GABRG3: variants seen among roughly 807,000 people sequenced by gnomAD.
GABRG3 encodes the protein gamma-aminobutyric acid receptor subunit gamma-3.
Under a neutral mutation model 48.8 loss-of-function variants are expected in GABRG3, and 25 were observed. The observed-to-expected ratio is 0.51, with a 90% CI of 0.37 to 0.72. The LOEUF (loss-of-function observed/expected upper bound fraction) is 0.72. GABRG3 is among the 30% of genes least tolerant of loss of function. GABRG3 has a pLI of 0.00. For synonymous variants in GABRG3, 227 were observed against 217.6 expected, an observed-to-expected ratio of 1.04 and a Z score of -0.38; for missense variants, 394 against 577.9, an observed-to-expected ratio of 0.68 and a Z score of 3.26.
At chr15:27,410,394 A>G (rs1252236912) in intron 5 of GABRG3, among the ~76,000 whole-genome samples, 1 of 152,098 alleles carries the variant, frequency 6.6e-6, no homozygotes, top group Admixed American at 6.5e-5. Context: ...GGTGATATTG[A>G]CCTTATAAAA....
At chr15:27,042,536 G>A (rs1490139953) in intron 3 of GABRG3, among the ~76,000 whole-genome samples, 1 of 152,086 alleles carries the variant, frequency 6.6e-6, no homozygotes, top group East Asian at 1.9e-4. Context: ...GTTGCAGCTG[G>A]CTCACCCTCC....
At chr15:27,475,650 G>A (rs1849892877) in intron 5 of GABRG3, among the ~76,000 whole-genome samples, 1 of 151,862 alleles carries the variant, frequency 6.6e-6, no homozygotes, top group Non-Finnish European at 1.5e-5. Flanking sequence ...GATGGTGATA[G>A]TGATGATGTT....
Position 27,534,713 on chromosome 15 carries a change from A to G in GABRG3, c.*1832A>G, listed in dbSNP as rs1304719342. 6.6e-6 allele frequency: 1 copy of G among 152,238 alleles called. No individual in the cohort carries two copies. The highest frequency in any genetic ancestry group is 2.4e-5 in the African/African-American group (1 of 41,482). 9.4% of individuals were successfully genotyped at this position (152,238 alleles called of 1,614,324 possible). Reference sequence around the variant, plus strand: ...AGACACAGAAGAGGATGGGAGCAGAAGAGGCCAGAAAAAGTGAAATTAGAT... The same window carrying G: ...AGACACAGAAGAGGATGGGAGCAGAGGAGGCCAGAAAAAGTGAAATTAGAT... On this transcript the variant is annotated 3_prime_UTR_variant, in exon 10 of 10. Coordinates refer to ENST00000615808, the MANE Select transcript of GABRG3 (RefSeq NM_033223.5).
chr15:27,350,487 C>T (rs1278394971), intron 5 of GABRG3: 1 of 267,446 alleles, frequency 3.7e-6, no homozygotes. Context: ...GCCTTCTGTC[C>T]TCAGGGAGTT....
intron 6 of GABRG3, among the ~76,000 whole-genome samples, chr15:27,488,340 T>C (rs1338453912): frequency 6.6e-6 from 1 of 152,204 alleles, no homozygotes; most frequent in Non-Finnish European, 1.5e-5. Flanking sequence ...TGTACTGTGA[T>C]TGTAACCAAG....
rs544408129 is a variant in GABRG3 at position 27,020,734 on chromosome 15, C to G, written c.203-6020C>G. On this transcript the variant is annotated intron_variant, in intron 2 of 9. Coordinates refer to ENST00000615808, the MANE Select transcript of GABRG3 (RefSeq NM_033223.5). ...GCCCGGCCTGTTGTTTTCTATCTCT[C>G]GCTTGTTTTTGAATGAATGTTCATG... Among the ~76,000 whole-genome samples the G allele has an allele frequency of 7.9e-4, 120 of 152,210 alleles. 1 individual carries two copies. Among genetic ancestry groups the G allele is most frequent in the African/African-American group, 2.8e-3 (117 of 41,536 alleles).
chr15:27,170,993 G>A (rs1460853392), intron 3 of GABRG3, among the ~76,000 whole-genome samples: 8 of 152,076 alleles, frequency 5.3e-5, no homozygotes, highest in Non-Finnish European at 1.2e-4. Flanking sequence ...TTTAGCACTC[G>A]CTCTTAGCTG....
chr15:27,229,192 T>C (rs1473109974), intron 3 of GABRG3, among the ~76,000 whole-genome samples: 1 of 152,168 alleles, frequency 6.6e-6, no homozygotes, highest in African/African-American at 2.4e-5. Flanking sequence ...GTTGCTATAG[T>C]TTTGGGTTTT....
At chr15:27,187,948 A>C (rs12913336) in intron 3 of GABRG3, among the ~76,000 whole-genome samples, 38,347 of 141,558 alleles carry the variant, frequency 0.27, 5,607 homozygotes, top group South Asian at 0.46. Flanking sequence ...TCATTGTTCA[A>C]TTCCCACCTA....
At chr15:27,219,285 C>CGGGCTGGCCTCAGGGT (rs370500906) in intron 3 of GABRG3, among the ~76,000 whole-genome samples, 2,020 of 152,212 alleles carry the variant, frequency 0.013, 45 homozygotes, top group African/African-American at 0.046. Context: ...GGCCTTGGGG[C>CGGGCTGGCCTCAGGGT]GGGCTGGGTT....
chr15:27,312,753 C>T (rs1893038361), intron 3 of GABRG3, among the ~76,000 whole-genome samples: 1 of 151,912 alleles, frequency 6.6e-6, no homozygotes, highest in Non-Finnish European at 1.5e-5. Flanking sequence ...ACTACTAGGC[C>T]TGCCTTACGG....
At chr15:26,994,628 A>G (rs1159332672) in intron 2 of GABRG3, among the ~76,000 whole-genome samples, 1 of 152,046 alleles carries the variant, frequency 6.6e-6, no homozygotes, top group African/African-American at 2.4e-5. Flanking sequence ...TGGTTTCCAC[A>G]TCACAGTTAG....
At chr15:27,220,555 T>C (rs1889417364) in intron 3 of GABRG3, among the ~76,000 whole-genome samples, 3 of 152,152 alleles carry the variant, frequency 2.0e-5, no homozygotes, top group African/African-American at 4.8e-5. Context: ...TTCCCCCTTA[T>C]CTGAGGACTG....
chr15:27,184,536 C>G (rs532787847), intron 3 of GABRG3, among the ~76,000 whole-genome samples: 29 of 152,232 alleles, frequency 1.9e-4, no homozygotes, highest in African/African-American at 6.3e-4. Flanking sequence ...AGCTTATGCT[C>G]TGGTGGAGGA....
At chr15:27,156,926 G>A (rs563563529) in intron 3 of GABRG3, among the ~76,000 whole-genome samples, 122 of 152,248 alleles carry the variant, frequency 8.0e-4, no homozygotes, top group African/African-American at 2.8e-3. Context: ...CACCTGACAA[G>A]TCATTTCTTC....
chr15:27,388,003 G>A (rs1287370995), intron 5 of GABRG3, among the ~76,000 whole-genome samples: 6 of 122,714 alleles, frequency 4.9e-5, no homozygotes, highest in South Asian at 3.2e-4. Flanking sequence ...AGGAAGGAAG[G>A]AAGGAAGGAA....
intron 3 of GABRG3, among the ~76,000 whole-genome samples, chr15:27,312,116 A>G (rs569979554): frequency 6.6e-6 from 1 of 152,170 alleles, no homozygotes; most frequent in African/African-American, 2.4e-5. Flanking sequence ...AGAAAATACA[A>G]AGTACCAAAT....
chr15:27,106,483 GAA>G lies in GABRG3; in HGVS notation c.270+79664_270+79665del, dbSNP rs1309787735. ...GGAATGAAGGAAAGAAAGAAATGAG[GAA>G]AGATTTCAAAGGTATCTAAGTTTTT... is the stretch of plus-strand genomic sequence containing the variant. On this transcript the variant is annotated intron_variant, in intron 3 of 9. Coordinates refer to ENST00000615808, the MANE Select transcript of GABRG3 (RefSeq NM_033223.5). Among the ~76,000 whole-genome samples, 4 of 151,458 alleles carry G rather than the reference GAA, an allele frequency of 2.6e-5. No individual in the cohort carries two copies. The South Asian group carries it at 8.3e-4, about 32-fold the overall frequency.
chr15:27,308,177 T>TATCCAAACATATATAAACATGTTTATAC (rs1892768218), intron 3 of GABRG3, among the ~76,000 whole-genome samples: 2 of 50,808 alleles, frequency 3.9e-5, no homozygotes, highest in Non-Finnish European at 1.0e-4. Flanking sequence ...TATGTTTATA[T>TATCCAAACATATATAAACATGTTTATAC]ATCCAAACAT....
Sources: allele counts gnomAD v4.1 joint callset (sites outside exome capture counted in the v4.1 genomes callset), GRCh38; gene constraint gnomAD v4.1.1; transcripts MANE v1.5; gene names NCBI Gene and HGNC (gene_info 2026-07-23, HGNC 2026-07-21).